Variants in EML1 observed in about 807,000 individuals in gnomAD.
EML1 encodes the protein echinoderm microtubule-associated protein-like 1.
Under a neutral mutation model 110.4 loss-of-function variants are expected in EML1, and 27 were observed. That is an observed-to-expected ratio of 0.24 (90% CI 0.18 to 0.34). The LOEUF (loss-of-function observed/expected upper bound fraction) is 0.34, where lower values mean the gene tolerates loss of function less well. EML1 is among the 10% of genes least tolerant of loss of function. The pLI is 1.00. For missense variants in EML1, 741 were observed against 1,030.9 expected (o/e 0.72, Z 3.85); for synonymous variants, 344 against 385.8 (o/e 0.89, Z 1.27).
At chr14:99,909,704 C>T (rs563199080) in intron 11 of EML1, among the ~76,000 whole-genome samples, 1 of 152,324 alleles carries the variant, frequency 6.6e-6, no homozygotes, top group East Asian at 1.9e-4. Flanking sequence ...AGCACCAAGC[C>T]TCCCACAGTG....
In EML1 at chr14:99,926,658, T is replaced by G. The variant is rs191040216; in HGVS notation, c.1909+5781T>G. 5.9e-5 allele frequency among the ~76,000 whole-genome samples: 9 copies of G among 152,248 alleles called. No homozygotes were observed. The East Asian group carries it at 1.7e-3, about 29-fold the overall frequency. ...TGCTATGTTGCAGGCTGGAGTGCAG[T>G]GGGTACTCACAGGTGTGATCACAGT... On this transcript the variant is annotated intron_variant, in intron 17 of 21. Transcript: ENST00000262233.
chr14:99,760,083 C>CAAAAAAAAAAAAAAAAAAA (rs61619098), intron 1 of EML1, among the ~76,000 whole-genome samples: 2 of 47,132 alleles, frequency 4.2e-5, no homozygotes, highest in African/African-American at 2.0e-4. Flanking sequence ...GACTCCCTCT[C>CAAAAAAAAAAAAAAAAAAA]AAAAAAAAAA....
chr14:99,769,315 A>C (rs902968361), upstream of EML1, among the ~76,000 whole-genome samples: 2 of 152,184 alleles, frequency 1.3e-5, no homozygotes, highest in Non-Finnish European at 2.9e-5. Flanking sequence ...GACAGGGAGC[A>C]CTGTTCCAAG....
chr14:99,747,907 C>G (rs187164414), intron 1 of EML1, among the ~76,000 whole-genome samples: 46 of 152,304 alleles, frequency 3.0e-4, no homozygotes, highest in African/African-American at 1.0e-3. Flanking sequence ...TCTTCCTTTT[C>G]TTTCCATCTT....
At chr14:99,768,179 A>G (rs1229958205), upstream of EML1, among the ~76,000 whole-genome samples, 1 of 152,266 alleles carries the variant, frequency 6.6e-6, no homozygotes, top group Non-Finnish European at 1.5e-5. Context: ...TCCCAATTCC[A>G]GAAAGCTTCG....
At chr14:99,886,035 C>T (rs2059468396) in intron 4 of EML1, 1 of 344,540 alleles carries the variant, frequency 2.9e-6, no homozygotes, top group Admixed American at 4.2e-5. Context: ...AAGTCTCCAG[C>T]AACTTCTAAA....
At chr14:99,797,324 C>A (rs1326572611) in intron 1 of EML1, among the ~76,000 whole-genome samples, 1 of 152,162 alleles carries the variant, frequency 6.6e-6, no homozygotes, top group African/African-American at 2.4e-5. Context: ...GGAGAGATAC[C>A]ACACTGTTTA....
At chr14:99,862,188 G>A (rs937024792) in intron 2 of EML1, among the ~76,000 whole-genome samples, 1 of 152,212 alleles carries the variant, frequency 6.6e-6, no homozygotes, top group Non-Finnish European at 1.5e-5. Context: ...CTCATGGATA[G>A]ACTCAGCTTA....
intron 1 of EML1, among the ~76,000 whole-genome samples, chr14:99,811,814 AAG>A (rs72348039): frequency 0.37 from 54,742 of 149,874 alleles, 11,427 homozygotes; most frequent in South Asian, 0.55. Context: ...ATGTCTCAAA[AAG>A]AGAGAGAGAG....
At chr14:99,738,512 C>G (rs1260347609) in intron 1 of EML1, among the ~76,000 whole-genome samples, 2 of 152,186 alleles carry the variant, frequency 1.3e-5, no homozygotes, top group East Asian at 3.9e-4. Flanking sequence ...ACAGAGCCAG[C>G]CTTGGCGGAA....
At chr14:99,909,963 G>A (rs565484148) in intron 11 of EML1, among the ~76,000 whole-genome samples, 15 of 152,154 alleles carry the variant, frequency 9.9e-5, no homozygotes, top group African/African-American at 3.4e-4. Flanking sequence ...CCTTCTCCCC[G>A]GTCAGTACCC....
chr14:99,897,045 T>C (rs2059682294), intron 6 of EML1, 100 bp from the exon 7 acceptor site: 1 of 1,081,892 alleles, frequency 9.2e-7, no homozygotes, highest in Non-Finnish European at 1.3e-6. Context: ...ATGCTGATGG[T>C]AATAGTTATA....
chr14:99,739,295 C>A (rs1383824715), intron 1 of EML1, among the ~76,000 whole-genome samples: 2 of 152,068 alleles, frequency 1.3e-5, no homozygotes, highest in African/African-American at 4.8e-5. Flanking sequence ...CTGGCCCTGC[C>A]CCACACCTGA....
chr14:99,802,970 C>T (rs1341983123), intron 1 of EML1, among the ~76,000 whole-genome samples: 2 of 152,118 alleles, frequency 1.3e-5, no homozygotes, highest in African/African-American at 4.8e-5. Flanking sequence ...TCCCTGAGTG[C>T]CCCCAGGTGC....
At chr14:99,889,033 G>T (rs1036103435) in intron 4 of EML1, among the ~76,000 whole-genome samples, 16 of 152,182 alleles carry the variant, frequency 1.1e-4, no homozygotes, top group African/African-American at 3.6e-4. Flanking sequence ...ACCCACGGAG[G>T]CAGAGGCATG....
chr14:99,799,070 T>C (rs181709034), intron 1 of EML1, among the ~76,000 whole-genome samples: 57 of 152,328 alleles, frequency 3.7e-4, no homozygotes, highest in Admixed American at 3.6e-3. Flanking sequence ...AAGGCCTGAC[T>C]GGAGCGTATC....
chr14:99,803,826 T>A (rs2057924458), intron 1 of EML1, among the ~76,000 whole-genome samples: 1 of 152,224 alleles, frequency 6.6e-6, no homozygotes, highest in Non-Finnish European at 1.5e-5. Context: ...AACGATTGAA[T>A]GGAATTAGGA....
chr14:99,908,401 A>G (rs1017198235), intron 10 of EML1, among the ~76,000 whole-genome samples: 1 of 152,154 alleles, frequency 6.6e-6, no homozygotes, highest in Non-Finnish European at 1.5e-5. Context: ...TCATCTTTGC[A>G]TCTATTAACC....
At chr14:99,791,206 G>A (rs77545043), upstream of EML1, among the ~76,000 whole-genome samples, 2,240 of 152,222 alleles carry the variant, frequency 0.015, 53 homozygotes, top group African/African-American at 0.051. Flanking sequence ...CTCTCCCTTT[G>A]ATATCCAGCA....
Sources: allele counts gnomAD v4.1 joint callset (sites outside exome capture counted in the v4.1 genomes callset), GRCh38; gene constraint gnomAD v4.1.1; transcripts MANE v1.5; gene names NCBI Gene and HGNC (gene_info 2026-07-23, HGNC 2026-07-21).